Variants in P2RX3 observed in about 807,000 individuals in gnomAD.
The protein encoded by P2RX3 is purinergic receptor P2X 3.
P2RX3 carries 41 observed loss-of-function variants against 51.5 expected under a neutral mutation model. The observed-to-expected ratio is 0.80, with a 90% CI of 0.62 to 1.03. The LOEUF (loss-of-function observed/expected upper bound fraction) is 1.03. Ranked by LOEUF, P2RX3 falls within the 50% of genes least tolerant of loss-of-function variation. The pLI is 0.00. For synonymous variants in P2RX3, 185 were observed against 191.6 expected (o/e 0.97, Z 0.29); for missense variants, 459 against 522.1 (o/e 0.88, Z 1.18).
intron 6 of P2RX3, 87 bp downstream of exon 6, chr11:57,348,791 G>A (rs553653852): frequency 7.4e-5 from 68 of 915,002 alleles, no homozygotes; most frequent in East Asian, 4.4e-4. Context: ...ATGCCCCCTC[G>A]CCACAGTTCT....
In P2RX3 at chr11:57,350,780, A is replaced by C. The variant is rs1194564874; in HGVS notation, c.724A>C (p.Lys242Gln). Residue 242 changes from lysine (K) to glutamine (Q), a missense_variant, in exon 8 of 12, where the codon AAG becomes CAG. By Grantham distance (53) the Lys-to-Gln change is moderately conservative. Transcript: ENST00000263314. The stretch of plus-strand genomic sequence containing the variant: ...TCTTCAGGGGGGAGTTCTGGGCATT[A>C]AGATCGGCTGGGTGTGCGACTTGGA... ...LARTGGVLGI[K>Q]IGWVCDLDKA... The C allele has an allele frequency of 3.7e-6, 6 of 1,613,384 alleles. No homozygotes were observed. The highest frequency in any genetic ancestry group is 5.1e-6 in the Non-Finnish European group (6 of 1,179,784).
intron 3 of P2RX3, 67 bp downstream of exon 3, chr11:57,347,254 T>C: frequency 6.4e-7 from 1 of 1,559,738 alleles, no homozygotes; most frequent in Non-Finnish European, 8.8e-7. Context: ...GTGGGAGCAG[T>C]GGCAGGGAGG....
At chr11:57,350,613 A>G (rs1856528948) in intron 7 of P2RX3, 149 bp from the exon 8 acceptor site, 3 of 1,060,470 alleles carry the variant, frequency 2.8e-6, no homozygotes, top group Non-Finnish European at 4.1e-6. Context: ...GCAGTATATG[A>G]CATGTCACTT....
intron 9 of P2RX3, 108 bp from the exon 10 acceptor site, chr11:57,368,264 A>G: frequency 7.4e-7 from 1 of 1,347,584 alleles, no homozygotes; most frequent in Non-Finnish European, 1.1e-6. Context: ...CGTGAAGGGG[A>G]GGGATCTGCT....
Position 57,338,574 on chromosome 11 carries a change from C to T in P2RX3, c.24C>T (p.Phe8=), listed in dbSNP as rs1856279218. MNCISDF[F]TYETTKSVVV... is the part of the protein sequence containing the mutation. Reference sequence around the variant, plus strand: ...GCATGAACTGCATATCCGACTTCTTCACCTATGAGACCACCAAGTCGGTGG... The same window carrying T: ...GCATGAACTGCATATCCGACTTCTTTACCTATGAGACCACCAAGTCGGTGG... Residue 8 remains phenylalanine (F), a synonymous_variant, in exon 1 of 12, where the codon TTC becomes TTT. Transcript: ENST00000263314. The T allele has an allele frequency of 6.3e-7, 1 of 1,590,418 alleles. No homozygotes were observed. The highest frequency in any genetic ancestry group is 8.6e-7 in the Non-Finnish European group (1 of 1,160,824).
intron 8 of P2RX3, among the ~76,000 whole-genome samples, chr11:57,362,418 T>G (rs1455164667): frequency 6.6e-6 from 1 of 152,204 alleles, no homozygotes; most frequent in Non-Finnish European, 1.5e-5. Flanking sequence ...AAATCAAGGC[T>G]TGGGCATGGT....
In P2RX3 at chr11:57,338,433, C is replaced by T. The variant is rs1261122960; in HGVS notation, c.-118C>T. 6.7e-6 allele frequency: 4 copies of T among 597,348 alleles called. No individual in the cohort carries two copies. The highest frequency in any genetic ancestry group is 1.2e-5 in the Non-Finnish European group (4 of 329,212). 37.0% of individuals were successfully genotyped at this position (597,348 alleles called of 1,614,324 possible). A position where few individuals can be genotyped will look rare whatever the true frequency, so the allele number is the denominator to read the frequency against. ...TAAAGGGACAGGCTCCCCATTCCTC[C>T]AACCCCTCTAAGCTGCCCCCTCCAG... On this transcript the variant is annotated 5_prime_UTR_variant, in exon 1 of 12. Transcript: ENST00000263314.
chr11:57,350,193 G>T, intron 7 of P2RX3: 1 of 421,562 alleles, frequency 2.4e-6, no homozygotes, highest in Non-Finnish European at 4.3e-6. Flanking sequence ...CCCAAACGAC[G>T]GGAAAGTAGA....
chr11:57,338,324 C>A (rs1856272216), upstream of P2RX3: 1 of 374,440 alleles, frequency 2.7e-6, no homozygotes, highest in East Asian at 3.9e-5. Context: ...TGGAGACGAA[C>A]AAAAAGGGGG....
At chr11:57,367,491 C>G (rs1011161427) in intron 8 of P2RX3, among the ~76,000 whole-genome samples, 1 of 152,080 alleles carries the variant, frequency 6.6e-6, no homozygotes, top group African/African-American at 2.4e-5. Context: ...GAGGCCGAGG[C>G]GGGTGGATCA....
chr11:57,347,625 T>G, intron 4 of P2RX3, 147 bp downstream of exon 4: 5 of 882,538 alleles, frequency 5.7e-6, no homozygotes, highest in Non-Finnish European at 7.1e-6. Context: ...CCACACCCAG[T>G]GGGTGCTACA....
upstream of P2RX3, among the ~76,000 whole-genome samples, chr11:57,336,547 T>C (rs1292743856): frequency 6.6e-6 from 1 of 152,150 alleles, no homozygotes; most frequent in Non-Finnish European, 1.5e-5. Flanking sequence ...CTGGAAAAGA[T>C]GTTTTAGTTT....
intron 1 of P2RX3, among the ~76,000 whole-genome samples, chr11:57,345,050 C>T (rs1344516031): frequency 4.6e-5 from 7 of 152,222 alleles, no homozygotes; most frequent in African/African-American, 1.7e-4. Flanking sequence ...TCTTCCCAGA[C>T]GTGTGGCACG....
chr11:57,364,139 A>C (rs1856762576), intron 8 of P2RX3, among the ~76,000 whole-genome samples: 1 of 152,134 alleles, frequency 6.6e-6, no homozygotes, highest in Admixed American at 6.6e-5. Flanking sequence ...TGACAGGCCC[A>C]GCCTCTGCCC....
At chr11:57,356,482 T>G (rs1275052200) in intron 8 of P2RX3, among the ~76,000 whole-genome samples, 5 of 152,242 alleles carry the variant, frequency 3.3e-5, no homozygotes, top group Non-Finnish European at 7.3e-5. Flanking sequence ...AAAACATTTG[T>G]TCAGCTGCTA....
chr11:57,338,840 G>A (rs1486117016), intron 1 of P2RX3, among the ~76,000 whole-genome samples, 171 bp downstream of exon 1: 3 of 152,158 alleles, frequency 2.0e-5, no homozygotes, highest in Non-Finnish European at 2.9e-5. Context: ...CCCCACCTAG[G>A]GCCTAAATTC....
rs1856644230 is a variant in P2RX3 at position 57,357,192 on chromosome 11, G to A, written c.842+6294G>A. ...AAAAATCAGCCAGGCGTGGTGGCAC[G>A]CACCTGTAATCCCAGTTACTCAGGA... On this transcript the variant is annotated intron_variant, in intron 8 of 11. Coordinates refer to ENST00000263314, the MANE Select transcript of P2RX3 (RefSeq NM_002559.5). Among the ~76,000 whole-genome samples, 6 of 152,212 alleles carry A rather than the reference G, an allele frequency of 3.9e-5. No individual in the cohort carries two copies. In the South Asian group the frequency reaches 1.2e-3, roughly 32 times the overall value.
upstream of P2RX3, among the ~76,000 whole-genome samples, chr11:57,337,159 G>A (rs142055729): frequency 6.6e-6 from 1 of 151,832 alleles, no homozygotes; most frequent in Non-Finnish European, 1.5e-5. Context: ...AGGCGTGGTG[G>A]CGGGTGCCTA....
At chr11:57,338,316 G>T, upstream of P2RX3, 1 of 355,970 alleles carries the variant, frequency 2.8e-6, no homozygotes, top group East Asian at 4.2e-5. Flanking sequence ...GAGTGGAGTG[G>T]AGACGAACAA....
Sources: allele counts gnomAD v4.1 joint callset (sites outside exome capture counted in the v4.1 genomes callset), GRCh38; gene constraint gnomAD v4.1.1; transcripts MANE v1.5; gene names NCBI Gene and HGNC (gene_info 2026-07-23, HGNC 2026-07-21).